BICC1: variants seen among roughly 807,000 people sequenced by gnomAD.
The protein encoded by BICC1 is protein bicaudal C homolog 1.
In BICC1, 43 loss-of-function variants were observed where a neutral mutation model predicts 111.0. The ratio of observed to expected loss-of-function variants is 0.39; its 90% CI spans 0.30 to 0.50. The LOEUF is 0.50. Among genes scored for constraint, BICC1 ranks in the 20% least tolerant of loss-of-function variants. The pLI, the probability that BICC1 is intolerant of heterozygous loss-of-function variation, is 0.88. For synonymous variants in BICC1, 467 were observed against 434.4 expected (o/e 1.07, Z -0.93); for missense variants, 1,091 against 1,203.2 (o/e 0.91, Z 1.38).
intron 2 of BICC1, among the ~76,000 whole-genome samples, chr10:58,643,765 G>T (rs1176517804): frequency 6.6e-6 from 1 of 152,196 alleles, no homozygotes; most frequent in Non-Finnish European, 1.5e-5. Context: ...AAGGAAGCCT[G>T]ACCATTTAGG....
At chr10:58,662,326 A>G (rs776738541) in intron 2 of BICC1, among the ~76,000 whole-genome samples, 2 of 152,242 alleles carry the variant, frequency 1.3e-5, no homozygotes, top group African/African-American at 2.4e-5. Context: ...TTGGAAGGAT[A>G]TTCCATTTTT....
At chr10:58,693,934 A>T (rs753488817) in intron 2 of BICC1, among the ~76,000 whole-genome samples, 1 of 152,020 alleles carries the variant, frequency 6.6e-6, no homozygotes, top group African/African-American at 2.4e-5. Flanking sequence ...GAAGTCCTTG[A>T]CCATGCCTAT....
intron 3 of BICC1, among the ~76,000 whole-genome samples, chr10:58,732,555 A>G (rs1841350150): frequency 6.6e-6 from 1 of 150,936 alleles, no homozygotes; most frequent in African/African-American, 2.4e-5. Context: ...CTGAGGCAGG[A>G]GGATTCTTTG....
At chr10:58,543,807 C>T (rs1457023248) in intron 1 of BICC1, among the ~76,000 whole-genome samples, 3 of 142,302 alleles carry the variant, frequency 2.1e-5, no homozygotes, top group African/African-American at 7.8e-5. Context: ...CTATGCCTGG[C>T]CTATGTTTTT....
At chr10:58,615,454 G>A (rs1409078488) in intron 1 of BICC1, among the ~76,000 whole-genome samples, 1 of 152,126 alleles carries the variant, frequency 6.6e-6, no homozygotes, top group Non-Finnish European at 1.5e-5. Flanking sequence ...GGCGCATTAG[G>A]TGTCCACCCA....
chr10:58,647,992 A>AT (rs1838321248), intron 2 of BICC1, among the ~76,000 whole-genome samples: 1 of 151,998 alleles, frequency 6.6e-6, no homozygotes, highest in Non-Finnish European at 1.5e-5. Context: ...GAAACCACAT[A>AT]TTTTTTTCTA....
rs561240986 is a variant in BICC1, at chr10:58,799,786, T to A, written c.1726-408T>A. On this transcript the variant is annotated intron_variant, in intron 12 of 20. Coordinates refer to ENST00000373886, the MANE Select transcript of BICC1 (RefSeq NM_001080512.3). ...TATAGTTTGAAGTCAGGTAGTATGA[T>A]GCCTCTAGCTTTATTCTTTTTGCTT... Among the ~76,000 whole-genome samples, 5 of 152,306 alleles carry A rather than the reference T, an allele frequency of 3.3e-5. No homozygotes were observed. The East Asian group carries it at 9.6e-4, about 29-fold the overall frequency.
rs1843736063 is a variant in BICC1 at position 58,807,203 on chromosome 10, A to C, written c.2376+45A>C. 9 of 1,568,840 alleles carry C rather than the reference A, an allele frequency of 5.7e-6. No individual in the cohort carries two copies. The Admixed American group carries it at 1.6e-4, about 28-fold the overall frequency. Reference sequence around the variant, plus strand: ...ACTCATTCTTCCTGTCTGTTCTTTCAGCAAAAGAGGACAGTCCTTCCCCCA... The same window carrying C: ...ACTCATTCTTCCTGTCTGTTCTTTCCGCAAAAGAGGACAGTCCTTCCCCCA... On this transcript the variant is annotated intron_variant, in intron 17 of 20. Transcript: ENST00000373886.
At chr10:58,608,516 A>G (rs139750673) in intron 1 of BICC1, among the ~76,000 whole-genome samples, 19 of 152,326 alleles carry the variant, frequency 1.2e-4, no homozygotes, top group African/African-American at 4.6e-4. Flanking sequence ...TACATTCTAC[A>G]TTAAATAATC....
chr10:58,754,959 T>C (rs1269831208), intron 3 of BICC1, among the ~76,000 whole-genome samples: 1 of 152,174 alleles, frequency 6.6e-6, no homozygotes, highest in Non-Finnish European at 1.5e-5. Flanking sequence ...TGGGGTTTAT[T>C]GTTGCTAATA....
intron 17 of BICC1, 56 bp downstream of exon 17, chr10:58,807,214 A>G (rs1233873759): frequency 1.3e-6 from 2 of 1,537,274 alleles, no homozygotes; most frequent in Non-Finnish European, 1.8e-6. Flanking sequence ...GCAAAAGAGG[A>G]CAGTCCTTCC....
At chr10:58,652,147 G>A (rs1418534310) in intron 2 of BICC1, among the ~76,000 whole-genome samples, 3 of 151,938 alleles carry the variant, frequency 2.0e-5, no homozygotes, top group African/African-American at 7.3e-5. Flanking sequence ...TTTTAAATTG[G>A]TCATTTCATC....
chr10:58,690,085 G>A (rs1457555641), intron 2 of BICC1, among the ~76,000 whole-genome samples: 1 of 152,138 alleles, frequency 6.6e-6, no homozygotes, highest in Non-Finnish European at 1.5e-5. Flanking sequence ...ATTAAAAGAT[G>A]AGAGTTAAGT....
intron 1 of BICC1, among the ~76,000 whole-genome samples, chr10:58,522,844 G>A (rs28807822): frequency 0.54 from 81,493 of 151,012 alleles, 23,048 homozygotes; most frequent in African/African-American, 0.71. Context: ...AGAATCAAAT[G>A]GACACAATAA....
At chr10:58,808,179 G>A (rs530471930) in intron 17 of BICC1, among the ~76,000 whole-genome samples, 42 of 151,734 alleles carry the variant, frequency 2.8e-4, no homozygotes, top group Admixed American at 6.6e-4. Context: ...GTAGCAACAT[G>A]GCAGGCTGTG....
chr10:58,730,206 G>C (rs1841244878), intron 3 of BICC1, among the ~76,000 whole-genome samples: 1 of 152,158 alleles, frequency 6.6e-6, no homozygotes. Context: ...CAAAAAAGGG[G>C]GTTACAGGCA....
intron 2 of BICC1, among the ~76,000 whole-genome samples, chr10:58,696,573 A>G (rs1050556631): frequency 1.3e-5 from 2 of 152,226 alleles, no homozygotes; most frequent in African/African-American, 2.4e-5. Context: ...ACATTTTTAG[A>G]TGGACTCCTC....
At chr10:58,701,780 A>C (rs568423091) in intron 2 of BICC1, among the ~76,000 whole-genome samples, 2 of 152,268 alleles carry the variant, frequency 1.3e-5, no homozygotes, top group South Asian at 4.1e-4. Context: ...AAGTTGGGTT[A>C]ATTACTTGTT....
chr10:58,597,910 T>C (rs1844874918), intron 1 of BICC1, among the ~76,000 whole-genome samples: 1 of 152,114 alleles, frequency 6.6e-6, no homozygotes. Flanking sequence ...GGTGCACTGA[T>C]TTCATATTGT....
Sources: gnomAD v4.1 joint callset for allele counts (sites outside exome capture counted in the v4.1 genomes callset) on GRCh38, gnomAD v4.1.1 for gene constraint, MANE v1.5 for transcripts, NCBI Gene and HGNC (gene_info 2026-07-23, HGNC 2026-07-21) for gene names.